Variants in FRMPD4 observed in about 807,000 individuals in gnomAD.
FRMPD4 encodes FERM and PDZ domain-containing protein 4.
FRMPD4 carries 22 observed loss-of-function variants against 94.1 expected under a neutral mutation model. The observed-to-expected ratio is 0.23, with a 90% CI of 0.17 to 0.33. The LOEUF is 0.33. FRMPD4 is among the 10% of genes least tolerant of loss of function. The pLI is 1.00. For synonymous variants in FRMPD4, 631 were observed against 548.6 expected, an observed-to-expected ratio of 1.15 and a Z score of -2.10; for missense variants, 1,111 against 1,339.9, an observed-to-expected ratio of 0.83 and a Z score of 2.67.
intron 2 of FRMPD4, among the ~76,000 whole-genome samples, chrX:12,547,300 A>G (rs2058489032): frequency 9.0e-6 from 1 of 110,879 alleles, no homozygotes; most frequent in Non-Finnish European, 1.9e-5. Context: ...ATTCAAACCC[A>G]CACAGTCTGG....
At chrX:12,044,584 C>A (rs1569148183) in intron 3 of FRMPD4, among the ~76,000 whole-genome samples, 1 of 111,673 alleles carries the variant, frequency 9.0e-6, no homozygotes, top group African/African-American at 3.3e-5. Context: ...AGGAGGTGAC[C>A]AGTTTGAGCT....
chrX:12,169,856 A>G (rs2056189695), intron 1 of FRMPD4, among the ~76,000 whole-genome samples: 1 of 112,288 alleles, frequency 8.9e-6, no homozygotes, highest in South Asian at 3.7e-4. Flanking sequence ...ACCCATATGA[A>G]TCACTTTTCA....
At chrX:12,696,585 G>GAAAAAAAAA (rs2060133336) in intron 9 of FRMPD4, among the ~76,000 whole-genome samples, 3 of 9,067 alleles carry the variant, frequency 3.3e-4, no homozygotes, top group African/African-American at 1.4e-3. Flanking sequence ...CAAAAATGAA[G>GAAAAAAAAA]CAAAAAAAAA....
chrX:12,489,145 T>A (rs1317390357), intron 1 of FRMPD4, among the ~76,000 whole-genome samples: 1 of 112,056 alleles, frequency 8.9e-6, no homozygotes. Context: ...GAATAGTTTT[T>A]AGGAAATATT....
chrX:12,576,551 C>T (rs2058813662), intron 2 of FRMPD4, among the ~76,000 whole-genome samples: 1 of 112,788 alleles, frequency 8.9e-6, no homozygotes, highest in Non-Finnish European at 1.9e-5. Flanking sequence ...TCTTTCAAGA[C>T]AGTACCCTCA....
intron 3 of FRMPD4, among the ~76,000 whole-genome samples, chrX:11,909,116 G>C (rs1353361268): frequency 8.9e-6 from 1 of 111,733 alleles, no homozygotes. Context: ...GGAAAAGTTT[G>C]TGTATAATTG....
intron 10 of FRMPD4, among the ~76,000 whole-genome samples, chrX:12,702,228 C>T (rs2041799269): frequency 8.9e-6 from 1 of 112,397 alleles, no homozygotes; most frequent in African/African-American, 3.2e-5. Context: ...ATATTTAAAA[C>T]GAAGCATAAA....
At chrX:12,421,544 G>C (rs2056883369) in intron 1 of FRMPD4, among the ~76,000 whole-genome samples, 1 of 110,713 alleles carries the variant, frequency 9.0e-6, no homozygotes, top group Admixed American at 9.6e-5. Context: ...GATCGCTTGA[G>C]TCCAGGAGTT....
At chrX:12,287,731 G>C (rs182488293) in intron 1 of FRMPD4, among the ~76,000 whole-genome samples, 28 of 111,734 alleles carry the variant, frequency 2.5e-4, no homozygotes, top group African/African-American at 7.2e-4. Context: ...AGATCAGAAA[G>C]GTAGGATCAA....
At chrX:12,580,402 G>A (rs1295416710) in intron 2 of FRMPD4, among the ~76,000 whole-genome samples, 1 of 111,850 alleles carries the variant, frequency 8.9e-6, no homozygotes, top group Non-Finnish European at 1.9e-5. Flanking sequence ...TCCCCCAGTT[G>A]ATGCCTGAAA....
intron 1 of FRMPD4, among the ~76,000 whole-genome samples, chrX:12,305,927 A>C (rs2054933708): frequency 9.3e-6 from 1 of 107,454 alleles, no homozygotes; most frequent in Admixed American, 1.0e-4. Flanking sequence ...TACTCTAAAA[A>C]ACTTTGACAG....
At chrX:11,947,951 A>G (rs773160111) in intron 3 of FRMPD4, among the ~76,000 whole-genome samples, 5 of 108,387 alleles carry the variant, frequency 4.6e-5, no homozygotes, top group African/African-American at 1.3e-4. Context: ...TTAGCCGGGC[A>G]TGGTGGTGCA....
intron 1 of FRMPD4, among the ~76,000 whole-genome samples, chrX:12,490,851 G>A (rs1014748072): frequency 9.0e-6 from 1 of 111,172 alleles, no homozygotes; most frequent in East Asian, 2.8e-4. Context: ...TTATTTTAAT[G>A]TATCTGCAGA....
intron 1 of FRMPD4, among the ~76,000 whole-genome samples, chrX:12,490,160 A>C (rs1347925380): frequency 1.8e-5 from 2 of 111,280 alleles, no homozygotes; most frequent in African/African-American, 3.3e-5. Flanking sequence ...GCAGTACGAG[A>C]CTGACCATGG....
intron 2 of FRMPD4, among the ~76,000 whole-genome samples, chrX:12,515,006 G>A (rs1237908967): frequency 1.8e-5 from 2 of 111,925 alleles, no homozygotes; most frequent in African/African-American, 6.5e-5. Flanking sequence ...TGTTTGCATA[G>A]AGGTATTTAT....
chrX:12,446,909 G>A (rs763043326), intron 1 of FRMPD4, among the ~76,000 whole-genome samples: 26 of 111,450 alleles, frequency 2.3e-4, no homozygotes, highest in Middle Eastern at 4.6e-3. Context: ...CACTGCTGGC[G>A]TTTGGTGGTT....
chrX:11,985,604 A>T (rs2054425240), intron 3 of FRMPD4, among the ~76,000 whole-genome samples: 1 of 112,273 alleles, frequency 8.9e-6, no homozygotes, highest in African/African-American at 3.2e-5. Flanking sequence ...GTGGTCCCTG[A>T]GTATAGGCTT....
At position 12,324,632 on chromosome X, in the gene FRMPD4, A is replaced by G. The variant is rs192112183; in HGVS notation, c.42-174048A>G. On this transcript the variant is annotated intron_variant, in intron 1 of 16. Transcript: ENST00000675598. ...ATTTTCTTGTTATTTTGGCTTATCT[A>G]TAACAAATTTCATGCCTTATGTTCT... is the stretch of plus-strand genomic sequence containing the variant. Among the ~76,000 whole-genome samples, 206 of 112,241 alleles carry G rather than the reference A, an allele frequency of 1.8e-3. 1 individual carries two copies. Among genetic ancestry groups the G allele is most frequent in the African/African-American group, 6.4e-3 (197 of 31,021 alleles).
At chrX:12,590,894 C>T (rs2148393510) in intron 2 of FRMPD4, among the ~76,000 whole-genome samples, 1 of 112,020 alleles carries the variant, frequency 8.9e-6, no homozygotes, top group African/African-American at 3.2e-5. Context: ...ATTGACATGA[C>T]TCTGAAAAGA....
Sources: allele counts gnomAD v4.1 joint callset (sites outside exome capture counted in the v4.1 genomes callset), GRCh38; gene constraint gnomAD v4.1.1; transcripts MANE v1.5; gene names NCBI Gene and HGNC (gene_info 2026-07-23, HGNC 2026-07-21).